The following ARB2A variants were observed in gnomAD, a reference collection of about 807,000 sequenced individuals.
ARB2A encodes cotranscriptional regulator ARB2A.
the ARB2A span, among the ~76,000 whole-genome samples, chr5:94,067,864 A>G: frequency 6.6e-6 from 1 of 152,220 alleles, no homozygotes; most frequent in Non-Finnish European, 1.5e-5. Context: ...AATAGCCAAA[A>G]CAATGTGAGC....
At chr5:94,106,168 A>G in the ARB2A span, among the ~76,000 whole-genome samples, 1 of 152,140 alleles carries the variant, frequency 6.6e-6, no homozygotes, top group Non-Finnish European at 1.5e-5. Flanking sequence ...TACACAGCAA[A>G]AGAAACTATC....
At chr5:93,729,940 T>C in the ARB2A span, among the ~76,000 whole-genome samples, 1 of 152,186 alleles carries the variant, frequency 6.6e-6, no homozygotes, top group Non-Finnish European at 1.5e-5. Context: ...TCAACTGTAG[T>C]ATCACTGGAT....
At chr5:93,781,550 C>A in the ARB2A span, among the ~76,000 whole-genome samples, 1 of 151,926 alleles carries the variant, frequency 6.6e-6, no homozygotes, top group Non-Finnish European at 1.5e-5. Flanking sequence ...GGGTAGATAC[C>A]CAGTAGTGAC....
chr5:93,983,170 G>GGT, the ARB2A span, among the ~76,000 whole-genome samples: 519 of 125,480 alleles, frequency 4.1e-3, 6 homozygotes, highest in African/African-American at 0.013. Flanking sequence ...GCTGTGGAGA[G>GGT]GTGTGTGTGT....
the ARB2A span, among the ~76,000 whole-genome samples, chr5:93,644,774 A>G: frequency 6.6e-6 from 1 of 152,218 alleles, no homozygotes; most frequent in African/African-American, 2.4e-5. Flanking sequence ...TTAGCATACT[A>G]GCCATGTCAA....
At chr5:94,065,071 CAAT>C in the ARB2A span, among the ~76,000 whole-genome samples, 8 of 152,146 alleles carry the variant, frequency 5.3e-5, no homozygotes, top group African/African-American at 1.9e-4. Context: ...CCTCGCATAT[CAAT>C]AATAACCTTT....
the ARB2A span, chr5:94,053,237 A>G: frequency 7.5e-7 from 1 of 1,325,406 alleles, no homozygotes; most frequent in South Asian, 1.4e-5. Flanking sequence ...TCTAGAAAAG[A>G]AATGATATGA....
At chr5:94,081,492 A>G in the ARB2A span, among the ~76,000 whole-genome samples, 1 of 152,234 alleles carries the variant, frequency 6.6e-6, no homozygotes, top group Non-Finnish European at 1.5e-5. Flanking sequence ...ATACAATAGG[A>G]TATTATTCTT....
the ARB2A span, among the ~76,000 whole-genome samples, chr5:93,970,246 A>T: frequency 6.6e-6 from 1 of 152,102 alleles, no homozygotes; most frequent in Non-Finnish European, 1.5e-5. Context: ...AGTCATACCC[A>T]TCCCTATAGA....
the ARB2A span, among the ~76,000 whole-genome samples, chr5:93,810,048 T>G: frequency 1.3e-5 from 2 of 152,074 alleles, no homozygotes; most frequent in Non-Finnish European, 2.9e-5. Context: ...CATTTTCAAT[T>G]TAAAAGGTAG....
At chr5:94,032,500 G>A in the ARB2A span, among the ~76,000 whole-genome samples, 10 of 152,106 alleles carry the variant, frequency 6.6e-5, no homozygotes, top group South Asian at 4.1e-4. Context: ...TGATCCAATC[G>A]CTTCCCATCA....
the ARB2A span, among the ~76,000 whole-genome samples, chr5:94,022,011 C>T: frequency 5.9e-5 from 9 of 152,088 alleles, no homozygotes; most frequent in Admixed American, 5.9e-4. Flanking sequence ...GCGGAGGTTA[C>T]GGTGAGCCAA....
the ARB2A span, among the ~76,000 whole-genome samples, chr5:93,890,825 G>A: frequency 6.6e-6 from 1 of 152,004 alleles, no homozygotes; most frequent in Non-Finnish European, 1.5e-5. Context: ...GCTTACACTG[G>A]TTCGTTTATT....
the ARB2A span, among the ~76,000 whole-genome samples, chr5:93,750,057 C>A: frequency 6.6e-6 from 1 of 152,180 alleles, no homozygotes; most frequent in Non-Finnish European, 1.5e-5. Flanking sequence ...ATGCCTAATA[C>A]TCTTTATACC....
chr5:93,662,735 G>A, the ARB2A span, among the ~76,000 whole-genome samples: 3 of 152,184 alleles, frequency 2.0e-5, no homozygotes, highest in Non-Finnish European at 4.4e-5. Flanking sequence ...TGATCACTGG[G>A]TAGATGGTAG....
At chr5:93,739,494 C>CT in the ARB2A span, 1 of 152,050 alleles carries the variant, frequency 6.6e-6, no homozygotes, top group East Asian at 1.9e-4. Context: ...AGAAATAAGA[C>CT]ATAAACTCTG....
the ARB2A span, among the ~76,000 whole-genome samples, chr5:93,730,542 T>A: frequency 6.6e-6 from 1 of 152,060 alleles, no homozygotes; most frequent in African/African-American, 2.4e-5. Flanking sequence ...AACTTAAGAG[T>A]CTACTTGGAT....
chr5:93,770,153 G>A, the ARB2A span, among the ~76,000 whole-genome samples: 4 of 152,054 alleles, frequency 2.6e-5, no homozygotes, highest in Non-Finnish European at 5.9e-5. Context: ...GCCTTACAAG[G>A]CTTTAGTCTC....
At chr5:93,992,178 T>G in the ARB2A span, among the ~76,000 whole-genome samples, 1 of 151,966 alleles carries the variant, frequency 6.6e-6, no homozygotes, top group Non-Finnish European at 1.5e-5. Context: ...AAATTATCCT[T>G]CAAAAATGAA....
Sources: gnomAD v4.1 joint callset for allele counts (sites outside exome capture counted in the v4.1 genomes callset) on GRCh38, gnomAD v4.1.1 for gene constraint, MANE v1.5 for transcripts, NCBI Gene and HGNC (gene_info 2026-07-23, HGNC 2026-07-21) for gene names.